The following TOPBP1 variants were observed in gnomAD, a reference collection of about 807,000 sequenced individuals.
The protein encoded by TOPBP1 is DNA topoisomerase 2-binding protein 1.
TOPBP1 carries 28 observed loss-of-function variants against 167.7 expected under a neutral mutation model. The ratio of observed to expected loss-of-function variants is 0.17; its 90% CI spans 0.12 to 0.23. The LOEUF is 0.23. Among genes scored for constraint, TOPBP1 ranks in the 10% least tolerant of loss-of-function variants. The pLI, the probability that TOPBP1 is intolerant of heterozygous loss-of-function variation, is 1.00. For missense variants in TOPBP1, 1,554 were observed against 1,809.6 expected (o/e 0.86, Z 2.56); for synonymous variants, 598 against 611.4 (o/e 0.98, Z 0.32).
At chr3:133,657,052 C>T (rs1169655997) in intron 4 of TOPBP1, among the ~76,000 whole-genome samples, 195 bp from the exon 5 acceptor site, 1 of 151,722 alleles carries the variant, frequency 6.6e-6, no homozygotes, top group Non-Finnish European at 1.5e-5. Flanking sequence ...TATTATTTTC[C>T]TATATTTATC....
At position 133,653,488 on chromosome 3, in the gene TOPBP1, T is replaced by A. The variant is rs748174854; in HGVS notation, c.779A>T (p.His260Leu). 6.2e-7 allele frequency: 1 copy of A among 1,606,142 alleles called. No homozygotes were observed. Among genetic ancestry groups the A allele is most frequent in the Non-Finnish European group, 8.5e-7 (1 of 1,177,326 alleles). The change falls in exon 7 of 28, where the codon CAC (histidine) becomes CTC (leucine). Residue 260 changes from histidine to leucine, a missense_variant. His to Leu is a moderately conservative substitution (Grantham distance 99, BLOSUM62 -3). Around this residue, in one of 3 missense-constraint regions of TOPBP1, gnomAD observed 1,197 missense variants for 1,351.5 expected, o/e 0.89. Coordinates refer to ENST00000260810, the MANE Select transcript of TOPBP1 (RefSeq NM_007027.4). ...AAAAAACCACTGTGTGGTCACACAG[T>A]GTACATTCCATCTCTTGGCACACTC... ...KYECAKRWNV[H>L]CVTTQWFFDS...
At chr3:133,618,507 A>G in intron 20 of TOPBP1, 74 bp from the exon 21 acceptor site, 2 of 1,452,594 alleles carry the variant, frequency 1.4e-6, no homozygotes, top group Non-Finnish European at 9.5e-7. Context: ...AAGTTAGACC[A>G]TAAAAGTTGT....
chr3:133,616,179 G>A (rs572646279), intron 23 of TOPBP1, among the ~76,000 whole-genome samples: 23 of 151,212 alleles, frequency 1.5e-4, no homozygotes, highest in African/African-American at 5.6e-4. Flanking sequence ...GAGTACAGTG[G>A]CGCTATCTTG....
intron 27 of TOPBP1, 139 bp from the exon 28 acceptor site, chr3:133,601,532 G>C: frequency 1.5e-6 from 1 of 673,608 alleles, no homozygotes; most frequent in South Asian, 2.3e-5. Context: ...TCATTCCTAG[G>C]TTCCAGCAAA....
At chr3:133,619,964 G>T (rs1206730220) in intron 20 of TOPBP1, among the ~76,000 whole-genome samples, 191 bp downstream of exon 20, 5 of 152,126 alleles carry the variant, frequency 3.3e-5, no homozygotes, top group Non-Finnish European at 7.4e-5. Context: ...TACTGTTTGG[G>T]CTAAATAAGG....
intron 10 of TOPBP1, among the ~76,000 whole-genome samples, chr3:133,646,212 T>C (rs574686617): frequency 2.5e-4 from 38 of 152,304 alleles, no homozygotes; most frequent in African/African-American, 8.2e-4. Flanking sequence ...AATACTTTAT[T>C]ATAGACTTTC....
At chr3:133,621,511 A>G (rs957145413) in intron 19 of TOPBP1, among the ~76,000 whole-genome samples, 2 of 152,268 alleles carry the variant, frequency 1.3e-5, no homozygotes, top group African/African-American at 2.4e-5. Context: ...ATTAGGTATT[A>G]TAAGTAATCC....
chr3:133,653,513 C>T lies in TOPBP1; in HGVS notation c.754G>A (p.Glu252Lys). ...TGTACATTCCATCTCTTGGCACACT[C>T]ATACTTCTGACCTGTGGCGTTCATT... The part of the protein sequence containing the change: ...IVQEPKGQKY[E>K]CAKRWNVHCV... The change falls in exon 7 of 28, where the codon GAG becomes AAG. Residue 252 changes from glutamate to lysine, a missense_variant. Glu to Lys is a moderately conservative substitution (Grantham distance 56). Coordinates refer to ENST00000260810, the MANE Select transcript of TOPBP1 (RefSeq NM_007027.4). 1 of 1,585,522 alleles carries T rather than the reference C, an allele frequency of 6.3e-7. No individual in the cohort carries two copies. Among genetic ancestry groups the T allele is most frequent in the Non-Finnish European group, 8.6e-7 (1 of 1,169,308 alleles).
At chr3:133,614,257 G>A (rs1423125912) in intron 23 of TOPBP1, among the ~76,000 whole-genome samples, 1 of 152,020 alleles carries the variant, frequency 6.6e-6, no homozygotes. Context: ...ATGAAGGAAG[G>A]TTACTATTAT....
At position 133,661,047 on chromosome 3, in the gene TOPBP1, G is replaced by A. The variant is rs1245890722; in HGVS notation, c.81C>T (p.Leu27=). 7 of 1,578,490 alleles carry A rather than the reference G, an allele frequency of 4.4e-6. No individual in the cohort carries two copies. Among genetic ancestry groups the A allele is most frequent in the South Asian group, 1.2e-5 (1 of 84,126 alleles). The change falls in exon 2 of 28, where the codon CTC becomes CTT. Residue 27 remains leucine, a synonymous_variant. Coordinates refer to ENST00000260810, the MANE Select transcript of TOPBP1 (RefSeq NM_007027.4). ...SDNSKCFFKA[L]ESIKEFQSEE... The stretch of plus-strand genomic sequence containing the variant: ...TTAAGATGTTTTCAACTCTTACCTC[G>A]AGAGCTTTAAAAAAACATTTGGAAT...
At chr3:133,628,123 G>C (rs1194762045) in intron 16 of TOPBP1, 1 of 448,204 alleles carries the variant, frequency 2.2e-6, no homozygotes, top group African/African-American at 2.0e-5. Flanking sequence ...CATAAAATAG[G>C]CTCTCCAATA....
At chr3:133,630,918 G>A (rs1935451367) in intron 14 of TOPBP1, among the ~76,000 whole-genome samples, 1 of 152,240 alleles carries the variant, frequency 6.6e-6, no homozygotes, top group East Asian at 1.9e-4. Flanking sequence ...ATCTAGGCTG[G>A]GTGTGGTTGT....
intron 2 of TOPBP1, among the ~76,000 whole-genome samples, chr3:133,659,455 AAC>A (rs1259896682): frequency 6.6e-6 from 1 of 152,204 alleles, no homozygotes; most frequent in Non-Finnish European, 1.5e-5. Flanking sequence ...CCTTCAAGAC[AAC>A]ACAGTCTGGT....
intron 27 of TOPBP1, among the ~76,000 whole-genome samples, chr3:133,602,643 AGACAG>A (rs200091881): frequency 0.022 from 3,319 of 152,316 alleles, 124 homozygotes; most frequent in African/African-American, 0.076. Context: ...GTAAAGGCTC[AGACAG>A]AAACATTTTA....
rs1300472266 is a variant in TOPBP1, at chr3:133,600,924, C to T, written c.*326G>A. The T allele has an allele frequency of 1.2e-5, 2 of 164,856 alleles. No homozygotes were observed. The highest frequency in any genetic ancestry group is 1.8e-4 in the East Asian group (1 of 5,608). 10.2% of individuals were successfully genotyped at this position (164,856 alleles called of 1,614,324 possible). On this transcript the variant is annotated 3_prime_UTR_variant, in exon 28 of 28. Transcript: ENST00000260810. Reference sequence around the variant, plus strand: ...AGACATTTTAAAGCAAAATCCATTACCTTGCTAAAATTTCCACTAAGCTAC... The same window carrying T: ...AGACATTTTAAAGCAAAATCCATTATCTTGCTAAAATTTCCACTAAGCTAC...
intron 14 of TOPBP1, among the ~76,000 whole-genome samples, chr3:133,632,287 C>T (rs1935512398): frequency 6.6e-6 from 1 of 151,970 alleles, no homozygotes; most frequent in Admixed American, 6.6e-5. Context: ...CGCCTGTAAT[C>T]CCAGTTACTT....
Position 133,649,585 on chromosome 3 carries a change from A to C in TOPBP1, c.1302T>G (p.Gly434=). 1 of 1,613,858 alleles carries C rather than the reference A, an allele frequency of 6.2e-7. No homozygotes were observed. Among genetic ancestry groups the C allele is most frequent in the Admixed American group, 1.7e-5 (1 of 60,024 alleles). ...TATATGGTTCTTCAGAAAGCATATAACCTTTACTGAAACACTCTAGCAACC... is the reference window on the plus strand; with the variant it reads ...TATATGGTTCTTCAGAAAGCATATACCCTTTACTGAAACACTCTAGCAACC... The part of the protein sequence containing the change: ...AKWLLECFSK[G]YMLSEEPYIH... Residue 434 remains glycine (G), a synonymous_variant, in exon 10 of 28, where the codon GGT becomes GGG. Transcript: ENST00000260810.
intron 14 of TOPBP1, among the ~76,000 whole-genome samples, chr3:133,631,864 C>G (rs1176648441): frequency 6.6e-6 from 1 of 151,994 alleles, no homozygotes; most frequent in South Asian, 2.1e-4. Flanking sequence ...TCTTGAACTC[C>G]TGACCTCAGG....
At chr3:133,650,404 G>C (rs1936250092) in intron 8 of TOPBP1, among the ~76,000 whole-genome samples, 1 of 151,700 alleles carries the variant, frequency 6.6e-6, no homozygotes, top group African/African-American at 2.4e-5. Flanking sequence ...AGCTGCCTAT[G>C]ATTAACGACA....
Sources: gnomAD v4.1 joint callset for allele counts (sites outside exome capture counted in the v4.1 genomes callset) on GRCh38, gnomAD v4.1.1 for gene constraint, gnomAD v4.1.1 regional missense constraint, MANE v1.5 for transcripts, NCBI Gene and HGNC (gene_info 2026-07-23, HGNC 2026-07-21) for gene names.